The following ZNF407 variants were observed in gnomAD, a reference collection of about 807,000 sequenced individuals.
ZNF407 encodes zinc finger protein 407.
Under a neutral mutation model 131.2 loss-of-function variants are expected in ZNF407, and 17 were observed. The ratio of observed to expected loss-of-function variants is 0.13; its 90% CI spans 0.09 to 0.19. The LOEUF is 0.19. Ranked by LOEUF, ZNF407 falls within the 10% of genes least tolerant of loss-of-function variation. The probability of loss-of-function intolerance (pLI) is 1.00; values close to 1 mark genes in which losing one functional copy is unlikely to be tolerated. For synonymous variants in ZNF407, 1,156 were observed against 1,062.0 expected, an observed-to-expected ratio of 1.09 and a Z score of -1.72; for missense variants, 2,681 against 2,830.6, an observed-to-expected ratio of 0.95 and a Z score of 1.20.
At chr18:74,612,209 A>C (rs1394485897) in intron 1 of ZNF407, among the ~76,000 whole-genome samples, 1 of 152,212 alleles carries the variant, frequency 6.6e-6, no homozygotes, top group Non-Finnish European at 1.5e-5. Flanking sequence ...GTAGATTGTT[A>C]GAAATATGGA....
intron 8 of ZNF407, among the ~76,000 whole-genome samples, chr18:74,973,138 A>ATGTG (rs1555705327): frequency 1.1e-5 from 1 of 93,426 alleles, no homozygotes; most frequent in African/African-American, 6.9e-5. Flanking sequence ...TTATATATAT[A>ATGTG]TGTGTGTGTG....
At chr18:74,933,112 A>G (rs1018966415) in intron 8 of ZNF407, among the ~76,000 whole-genome samples, 1 of 152,228 alleles carries the variant, frequency 6.6e-6, no homozygotes, top group Admixed American at 6.5e-5. Context: ...TAGCAGCACT[A>G]TTAATAGTGA....
At chr18:75,014,902 T>C (rs192368424) in intron 8 of ZNF407, among the ~76,000 whole-genome samples, 23 of 152,230 alleles carry the variant, frequency 1.5e-4, no homozygotes, top group Non-Finnish European at 2.1e-4. Flanking sequence ...AGTTGGAAAT[T>C]TCATAGTAAT....
At chr18:74,780,980 A>G (rs189851943) in intron 3 of ZNF407, among the ~76,000 whole-genome samples, 2 of 152,264 alleles carry the variant, frequency 1.3e-5, no homozygotes, top group East Asian at 3.9e-4. Context: ...TCAAGTTATT[A>G]CCATGTTTTT....
intron 3 of ZNF407, among the ~76,000 whole-genome samples, chr18:74,683,491 C>T (rs1285409073): frequency 6.6e-6 from 1 of 152,122 alleles, no homozygotes; most frequent in Non-Finnish European, 1.5e-5. Context: ...TGTTTTTGCT[C>T]TGAAGAACAC....
chr18:75,015,244 C>G (rs562470489), intron 8 of ZNF407, among the ~76,000 whole-genome samples: 2 of 151,898 alleles, frequency 1.3e-5, no homozygotes. Flanking sequence ...TTGGACCCAA[C>G]AGTTATTAGT....
intron 8 of ZNF407, among the ~76,000 whole-genome samples, chr18:74,960,452 G>T (rs569225365): frequency 6.7e-6 from 1 of 148,424 alleles, no homozygotes; most frequent in African/African-American, 2.5e-5. Flanking sequence ...CTTGGTGGAG[G>T]GATAGGAGAA....
At chr18:74,733,488 A>G (rs1439878994) in intron 3 of ZNF407, among the ~76,000 whole-genome samples, 1 of 152,156 alleles carries the variant, frequency 6.6e-6, no homozygotes, top group Non-Finnish European at 1.5e-5. Flanking sequence ...TTGCTATTCC[A>G]TTTTATCTGT....
At chr18:74,828,995 C>A (rs755486776) in intron 4 of ZNF407, among the ~76,000 whole-genome samples, 8 of 152,118 alleles carry the variant, frequency 5.3e-5, no homozygotes, top group Non-Finnish European at 1.0e-4. Context: ...AGAAAGGGCC[C>A]CACATGTTAT....
intron 1 of ZNF407, among the ~76,000 whole-genome samples, chr18:74,600,219 A>G (rs1280349301): frequency 6.6e-6 from 1 of 152,212 alleles, no homozygotes; most frequent in African/African-American, 2.4e-5. Flanking sequence ...AAGGCTATAG[A>G]TGGCTTTCAG....
At chr18:74,668,592 A>C (rs1986021646) in intron 3 of ZNF407, among the ~76,000 whole-genome samples, 1 of 152,142 alleles carries the variant, frequency 6.6e-6, no homozygotes, top group Non-Finnish European at 1.5e-5. Context: ...TACTGCTCCC[A>C]AATGTAATTT....
chr18:74,642,712 A>G (rs1366224094), intron 3 of ZNF407, among the ~76,000 whole-genome samples: 1 of 152,102 alleles, frequency 6.6e-6, no homozygotes, highest in African/African-American at 2.4e-5. Context: ...ATACTGTATG[A>G]GTAGTTCATA....
chr18:74,848,415 A>C (rs908540568), intron 4 of ZNF407, among the ~76,000 whole-genome samples: 1 of 152,212 alleles, frequency 6.6e-6, no homozygotes, highest in Non-Finnish European at 1.5e-5. Context: ...AAGTAAGGCC[A>C]GTGCTTACAC....
chr18:74,645,636 T>TG (rs1568144128), intron 3 of ZNF407, among the ~76,000 whole-genome samples: 1 of 95,722 alleles, frequency 1.0e-5, no homozygotes, highest in African/African-American at 3.5e-5. Context: ...AGTAAAACTC[T>TG]TTGTGTGTGT....
chr18:74,601,752 A>G (rs1204507566), intron 1 of ZNF407, among the ~76,000 whole-genome samples: 1 of 151,882 alleles, frequency 6.6e-6, no homozygotes, highest in Non-Finnish European at 1.5e-5. Context: ...TTCAGGAGGG[A>G]CACCCCCGCC....
rs1445169620 is a variant in ZNF407, at chr18:74,916,704, A to AGT, written c.5250-3799_5250-3798dup. Among the ~76,000 whole-genome samples, 6 of 128,218 alleles carry AGT rather than the reference A, an allele frequency of 4.7e-5. 1 individual carries two copies. The highest frequency in any genetic ancestry group is 1.6e-4 in the African/African-American group (5 of 31,484). The allele number at this position is 128,218 out of a possible 152,430, so 84.1% of individuals were successfully genotyped here. A position where few individuals can be genotyped will look rare whatever the true frequency, so the allele number is the denominator to read the frequency against. ...GTATGCAGCATTCGTTCGAATCGGG[A>AGT]GTGTGTGTGTGTATGTGTGTGTGTG... On this transcript the variant is annotated intron_variant, in intron 7 of 8. Transcript: ENST00000299687.
chr18:74,881,173 C>G (rs1568253226), intron 6 of ZNF407, 54 bp downstream of exon 6: 7 of 1,458,746 alleles, frequency 4.8e-6, no homozygotes, highest in Non-Finnish European at 6.5e-6. Context: ...GGCAAGACAC[C>G]CCAGCCTCAA....
At chr18:74,721,821 T>C (rs1310525098) in intron 3 of ZNF407, among the ~76,000 whole-genome samples, 1 of 152,202 alleles carries the variant, frequency 6.6e-6, no homozygotes, top group African/African-American at 2.4e-5. Context: ...TTAATATGAA[T>C]TTTCTCCACC....
chr18:75,060,655 G>C (rs564977002), intron 8 of ZNF407, among the ~76,000 whole-genome samples: 33 of 151,944 alleles, frequency 2.2e-4, no homozygotes, highest in African/African-American at 8.0e-4. Flanking sequence ...ACAGGCACCC[G>C]CCACCGCGCC....
Sources: allele counts gnomAD v4.1 joint callset (sites outside exome capture counted in the v4.1 genomes callset), GRCh38; gene constraint gnomAD v4.1.1; transcripts MANE v1.5; gene names NCBI Gene and HGNC (gene_info 2026-07-23, HGNC 2026-07-21).